Variants in FLT1 observed in about 807,000 individuals in gnomAD.
The protein encoded by FLT1 is fms related receptor tyrosine kinase 1.
In FLT1, 49 loss-of-function variants were observed where a neutral mutation model predicts 156.3. The observed-to-expected ratio is 0.31, with a 90% confidence interval of 0.25 to 0.40. The LOEUF is 0.40. FLT1 is among the 10% of genes least tolerant of loss of function. FLT1 has a pLI of 1.00. For synonymous variants in FLT1, 594 were observed against 583.8 expected, an observed-to-expected ratio of 1.02 and a Z score of -0.25; for missense variants, 1,322 against 1,637.2, an observed-to-expected ratio of 0.81 and a Z score of 3.32.
intron 13 of FLT1, 73 bp from the exon 14 acceptor site, chr13:28,385,104 T>C: frequency 1.4e-6 from 2 of 1,474,816 alleles, no homozygotes; most frequent in Non-Finnish European, 1.9e-6. Context: ...TATCAACATT[T>C]AAAATATACA....
At chr13:28,480,763 T>C (rs1880788743) in intron 1 of FLT1, among the ~76,000 whole-genome samples, 1 of 152,186 alleles carries the variant, frequency 6.6e-6, no homozygotes, top group Non-Finnish European at 1.5e-5. Flanking sequence ...AATGCTGTGG[T>C]TCGCATATTT....
chr13:28,365,506 C>G (rs1251541472), intron 14 of FLT1, among the ~76,000 whole-genome samples: 1 of 152,152 alleles, frequency 6.6e-6, no homozygotes, highest in Non-Finnish European at 1.5e-5. Flanking sequence ...TGTGCACCAC[C>G]AAGCCTGGCT....
chr13:28,421,798 A>AT (rs916541689), intron 10 of FLT1, among the ~76,000 whole-genome samples: 9 of 152,284 alleles, frequency 5.9e-5, no homozygotes, highest in Admixed American at 2.6e-4. Flanking sequence ...ATTTACAGTG[A>AT]TTTTCTAAGT....
At chr13:28,356,930 A>G (rs534669453) in intron 15 of FLT1, among the ~76,000 whole-genome samples, 9 of 152,248 alleles carry the variant, frequency 5.9e-5, no homozygotes, top group Non-Finnish European at 1.2e-4. Flanking sequence ...GGCCATAGCC[A>G]GGGTAGGATT....
chr13:28,414,432 C>G (rs1464712474), intron 10 of FLT1, among the ~76,000 whole-genome samples: 1 of 152,150 alleles, frequency 6.6e-6, no homozygotes, highest in Admixed American at 6.5e-5. Flanking sequence ...GCTACCATGT[C>G]TTACTAGTTT....
intron 16 of FLT1, among the ~76,000 whole-genome samples, chr13:28,344,554 A>G (rs1390639799): frequency 6.6e-6 from 1 of 152,220 alleles, no homozygotes; most frequent in Non-Finnish European, 1.5e-5. Context: ...GTGGGTATGC[A>G]GTAAATATTT....
intron 15 of FLT1, among the ~76,000 whole-genome samples, chr13:28,348,565 GTA>G (rs1006866499): frequency 2.0e-5 from 3 of 152,148 alleles, no homozygotes; most frequent in Non-Finnish European, 4.4e-5. Context: ...GCGAATGAAT[GTA>G]TATATATGTT....
At chr13:28,481,929 T>C (rs1880876471) in intron 1 of FLT1, among the ~76,000 whole-genome samples, 1 of 152,226 alleles carries the variant, frequency 6.6e-6, no homozygotes, top group South Asian at 2.1e-4. Context: ...ACACAATGAA[T>C]ACAACCATAT....
At chr13:28,388,553 C>T (rs1353624960) in intron 13 of FLT1, 4 of 1,048,702 alleles carry the variant, frequency 3.8e-6, no homozygotes, top group Admixed American at 1.1e-4. Context: ...AAGTCATTTT[C>T]CCTCAAACGC....
intron 14 of FLT1, among the ~76,000 whole-genome samples, chr13:28,360,785 G>T (rs546032230): frequency 6.6e-6 from 1 of 152,098 alleles, no homozygotes; most frequent in African/African-American, 2.4e-5. Context: ...ACACAGCAAA[G>T]TGACAACAGC....
At chr13:28,455,154 TA>T (rs1879189473) in intron 3 of FLT1, among the ~76,000 whole-genome samples, 1 of 152,194 alleles carries the variant, frequency 6.6e-6, no homozygotes, top group Non-Finnish European at 1.5e-5. Context: ...AAACTGATCC[TA>T]AAGTTTATAT....
At chr13:28,365,734 T>C (rs140370309) in intron 14 of FLT1, among the ~76,000 whole-genome samples, 12 of 152,208 alleles carry the variant, frequency 7.9e-5, no homozygotes, top group African/African-American at 2.9e-4. Flanking sequence ...TTCTAAAGGA[T>C]AGCCTAAGTC....
rs146351362 is a variant in FLT1, at chr13:28,383,742, T to C, written c.2116+1143A>G. On this transcript the variant is annotated intron_variant, in intron 14 of 29. Transcript: ENST00000282397. ...CACTTGAGAGGCCGAGGCATGACAA[T>C]CGCTTGAACCCAGGAGGTGGAGGCT... Among the ~76,000 whole-genome samples the C allele has an allele frequency of 4.8e-3, 727 of 151,244 alleles. 7 individuals carry two copies. The highest frequency in any genetic ancestry group is 0.017 in the African/African-American group (696 of 41,174).
At chr13:28,463,653 A>G (rs17086701) in intron 3 of FLT1, among the ~76,000 whole-genome samples, 21,739 of 152,184 alleles carry the variant, frequency 0.14, 2,779 homozygotes, top group African/African-American at 0.34. Context: ...ACAGCTGTAT[A>G]TTAGGAAATG....
intron 1 of FLT1, among the ~76,000 whole-genome samples, chr13:28,486,759 T>C (rs750877587): frequency 6.6e-6 from 1 of 152,268 alleles, no homozygotes; most frequent in African/African-American, 2.4e-5. Context: ...CACACTCTAC[T>C]AGCACATACT....
intron 16 of FLT1, among the ~76,000 whole-genome samples, chr13:28,339,888 CTGAG>C (rs1439187837): frequency 1.3e-5 from 2 of 152,120 alleles, no homozygotes; most frequent in African/African-American, 4.8e-5. Flanking sequence ...TAGCTGAATC[CTGAG>C]TGAGACTGGA....
intron 15 of FLT1, among the ~76,000 whole-genome samples, chr13:28,347,240 T>A (rs570100208): frequency 6.6e-6 from 1 of 152,032 alleles, no homozygotes; most frequent in African/African-American, 2.4e-5. Context: ...GACCCAGACC[T>A]GGCCAAGTGC....
chr13:28,465,618 G>C (rs1403437385), intron 3 of FLT1, among the ~76,000 whole-genome samples: 2 of 152,176 alleles, frequency 1.3e-5, no homozygotes, highest in Admixed American at 1.3e-4. Flanking sequence ...CGAGGCAGGT[G>C]GATCACCTGA....
chr13:28,405,987 T>A (rs1430623561), intron 10 of FLT1, 93 bp from the exon 11 acceptor site: 2 of 742,704 alleles, frequency 2.7e-6, no homozygotes, highest in Non-Finnish European at 4.8e-6. Context: ...AGTCCTCAGA[T>A]AACAAAGTCA....
Sources: gnomAD v4.1 joint callset for allele counts (sites outside exome capture counted in the v4.1 genomes callset) on GRCh38, gnomAD v4.1.1 for gene constraint, MANE v1.5 for transcripts, NCBI Gene and HGNC (gene_info 2026-07-23, HGNC 2026-07-21) for gene names.